The following IL1RAPL1 variants were observed in gnomAD, a reference collection of about 807,000 sequenced individuals.
IL1RAPL1 encodes interleukin-1 receptor accessory protein-like 1.
IL1RAPL1 carries 3 observed loss-of-function variants against 48.4 expected under a neutral mutation model. The ratio of observed to expected loss-of-function variants is 0.06; its 90% CI spans 0.03 to 0.16. The LOEUF is 0.16. Ranked by LOEUF, IL1RAPL1 falls within the 10% of genes least tolerant of loss-of-function variation. The probability of loss-of-function intolerance (pLI) is 1.00; values close to 1 mark genes in which losing one functional copy is unlikely to be tolerated. For synonymous variants in IL1RAPL1, 185 were observed against 187.7 expected (o/e 0.99, Z 0.12); for missense variants, 349 against 530.6 (o/e 0.66, Z 3.36).
chrX:29,545,667 CT>C (rs1335568464), intron 5 of IL1RAPL1, among the ~76,000 whole-genome samples: 5 of 112,399 alleles, frequency 4.4e-5, no homozygotes, highest in African/African-American at 1.6e-4. Context: ...TAAATGTTCA[CT>C]TTATTCATTG....
intron 5 of IL1RAPL1, among the ~76,000 whole-genome samples, chrX:29,555,943 T>G (rs1921986500): frequency 8.9e-6 from 1 of 112,276 alleles, no homozygotes; most frequent in Admixed American, 9.4e-5. Context: ...CTTCCTTACT[T>G]CCATCAGAGA....
intron 5 of IL1RAPL1, among the ~76,000 whole-genome samples, chrX:29,607,149 C>T (rs775765694): frequency 2.7e-5 from 3 of 110,966 alleles, no homozygotes; most frequent in Non-Finnish European, 5.7e-5. Context: ...AGTCGGGTAC[C>T]CTATTACTTC....
chrX:29,114,625 G>A (rs1928640063), intron 2 of IL1RAPL1, among the ~76,000 whole-genome samples: 1 of 109,848 alleles, frequency 9.1e-6, no homozygotes, highest in Non-Finnish European at 1.9e-5. Flanking sequence ...TTTTTCTTTT[G>A]TTGGTTTGTT....
chrX:29,176,593 T>G (rs1243729901), intron 2 of IL1RAPL1, among the ~76,000 whole-genome samples: 1 of 111,552 alleles, frequency 9.0e-6, no homozygotes, highest in Non-Finnish European at 1.9e-5. Context: ...ATGGGGATTG[T>G]TGAAAGAGGA....
At chrX:28,721,829 C>T (rs1452636105) in intron 1 of IL1RAPL1, among the ~76,000 whole-genome samples, 1 of 110,961 alleles carries the variant, frequency 9.0e-6, no homozygotes. Flanking sequence ...CCAGTTTTCC[C>T]AGCACCATTT....
At chrX:29,064,859 G>A (rs1927420035) in intron 2 of IL1RAPL1, among the ~76,000 whole-genome samples, 1 of 112,067 alleles carries the variant, frequency 8.9e-6, no homozygotes, top group Admixed American at 9.4e-5. Context: ...GGGATTACAG[G>A]CGTGAGCCAT....
At position 29,065,692 on chromosome X, in the gene IL1RAPL1, C is replaced by T. The variant is rs750197513; in HGVS notation, c.83-217246C>T. ...AATGGTTGCCCAACTTTCTGTGAGG[C>T]TCTGTTAAGTTTTTCCATTCTTTTT... is the stretch of plus-strand genomic sequence containing the variant. On this transcript the variant is annotated intron_variant, in intron 2 of 10. Transcript: ENST00000378993. Among the ~76,000 whole-genome samples, 35 of 111,855 alleles carry T rather than the reference C, an allele frequency of 3.1e-4. No homozygotes were observed. The South Asian group carries it at 0.012, about 39-fold the overall frequency.
intron 2 of IL1RAPL1, among the ~76,000 whole-genome samples, chrX:28,951,670 T>A (rs1016441401): frequency 9.0e-6 from 1 of 111,311 alleles, no homozygotes; most frequent in Non-Finnish European, 1.9e-5. Flanking sequence ...TCTACTTTTA[T>A]TTTATCATTT....
intron 5 of IL1RAPL1, among the ~76,000 whole-genome samples, chrX:29,562,518 G>A (rs888877094): frequency 9.0e-6 from 1 of 111,177 alleles, no homozygotes. Flanking sequence ...GTGAATTAAT[G>A]ACATATTGCC....
chrX:29,693,313 A>AG (rs779078140), intron 6 of IL1RAPL1, among the ~76,000 whole-genome samples: 56 of 112,467 alleles, frequency 5.0e-4, no homozygotes, highest in African/African-American at 1.8e-3. Context: ...CAGCTTTTTC[A>AG]GGCTTCTAAG....
chrX:29,275,910 C>A (rs1473196146), intron 2 of IL1RAPL1, among the ~76,000 whole-genome samples: 1 of 112,195 alleles, frequency 8.9e-6, no homozygotes, highest in African/African-American at 3.2e-5. Flanking sequence ...TCCATTAGTC[C>A]ATTTGGGATT....
At chrX:29,093,613 A>G (rs1053821662) in intron 2 of IL1RAPL1, among the ~76,000 whole-genome samples, 5 of 111,796 alleles carry the variant, frequency 4.5e-5, no homozygotes, top group African/African-American at 1.6e-4. Flanking sequence ...ACGTTCTATA[A>G]AGGAACACTT....
chrX:28,847,623 C>T (rs1921544965), intron 2 of IL1RAPL1, among the ~76,000 whole-genome samples: 1 of 110,811 alleles, frequency 9.0e-6, no homozygotes, highest in South Asian at 3.9e-4. Flanking sequence ...ACATCAGACA[C>T]ACCCCCTCCC....
chrX:29,655,036 A>C (rs1171374264), intron 5 of IL1RAPL1, among the ~76,000 whole-genome samples: 1 of 111,470 alleles, frequency 9.0e-6, no homozygotes, highest in African/African-American at 3.3e-5. Flanking sequence ...TTTTCAGTCC[A>C]CTATCATAAT....
Position 29,550,178 on chromosome X carries a change from ATTCTTTTCTT to A in IL1RAPL1, c.704-118234_704-118225del, listed in dbSNP as rs201464853. ...AAGCATCACTAATTTAATTTTAGAAATTCTTTTCTTTTCTTTTCTTTTCTTTTTTTTGAGA... is the reference window on the plus strand; with the variant it reads ...AAGCATCACTAATTTAATTTTAGAAATTCTTTTCTTTTCTTTTTTTTGAGA... On this transcript the variant is annotated intron_variant, in intron 5 of 10. Transcript: ENST00000378993. 2.3e-4 allele frequency among the ~76,000 whole-genome samples: 26 copies of A among 111,086 alleles called. No homozygotes were observed. The South Asian group carries it at 9.0e-3, about 38-fold the overall frequency.
chrX:29,873,135 C>T (rs965259423), intron 6 of IL1RAPL1, among the ~76,000 whole-genome samples: 2 of 111,319 alleles, frequency 1.8e-5, no homozygotes, highest in Non-Finnish European at 3.8e-5. Flanking sequence ...CATAGCAGGT[C>T]TCCCACTCCA....
intron 2 of IL1RAPL1, among the ~76,000 whole-genome samples, chrX:29,215,603 A>G (rs887854630): frequency 4.5e-5 from 5 of 111,318 alleles, no homozygotes; most frequent in Non-Finnish European, 3.8e-5. Flanking sequence ...AGAAAAAAAT[A>G]TATATGGGAT....
At chrX:29,116,045 T>C (rs1928671643) in intron 2 of IL1RAPL1, among the ~76,000 whole-genome samples, 1 of 111,438 alleles carries the variant, frequency 9.0e-6, no homozygotes, top group Non-Finnish European at 1.9e-5. Flanking sequence ...TCTCTCATTG[T>C]ACCCGTTCTC....
rs940553786 is a variant in IL1RAPL1 at position 29,914,194 on chromosome X, G to C, written c.779-3270G>C. Among the ~76,000 whole-genome samples the C allele has an allele frequency of 5.4e-5, 6 of 112,131 alleles. No homozygotes were observed. In the Admixed American group the frequency reaches 5.7e-4, roughly 11 times the overall value. On this transcript the variant is annotated intron_variant, in intron 6 of 10. Coordinates refer to ENST00000378993, the MANE Select transcript of IL1RAPL1 (RefSeq NM_014271.4). ...GCCAAGATGGCTGAGAAAGCAGATT[G>C]CTTCTTACATGGGTGCAGGAGCCAT... is the stretch of plus-strand genomic sequence containing the variant.
Sources: gnomAD v4.1 joint callset for allele counts (sites outside exome capture counted in the v4.1 genomes callset) on GRCh38, gnomAD v4.1.1 for gene constraint, MANE v1.5 for transcripts, NCBI Gene and HGNC (gene_info 2026-07-23, HGNC 2026-07-21) for gene names.